PUS7: variants seen among roughly 807,000 people sequenced by gnomAD.
PUS7 encodes pseudouridine synthase 7, also known as pseudouridylate synthase 7 homolog.
Under a neutral mutation model 79.8 loss-of-function variants are expected in PUS7, and 48 were observed. The observed-to-expected ratio is 0.60, with a 90% CI of 0.48 to 0.76. PUS7 has a LOEUF of 0.76. Among genes scored for constraint, PUS7 ranks in the 30% least tolerant of loss-of-function variants. The probability of loss-of-function intolerance (pLI) is 0.00; values close to 1 mark genes in which losing one functional copy is unlikely to be tolerated. For synonymous variants in PUS7, 286 were observed against 272.2 expected (o/e 1.05, Z -0.50); for missense variants, 729 against 797.6 (o/e 0.91, Z 1.04).
At position 105,506,291 on chromosome 7, in the gene PUS7, G is replaced by C. The variant is rs780630118; in HGVS notation, c.399-18C>G. The C allele has an allele frequency of 6.6e-7, 1 of 1,524,958 alleles. No homozygotes were observed. The highest frequency in any genetic ancestry group is 1.4e-5 in the African/African-American group (1 of 72,956). The allele number at this position is 1,524,958 out of a possible 1,614,324, so 94.5% of individuals were successfully genotyped here. ...CGGAGTATCTGATGAAAGAAAACAT[G>C]AACTTTCAGATAATTAACATCCTGT... On this transcript the variant is annotated intron_variant, in intron 2 of 15. Coordinates refer to ENST00000469408, the MANE Select transcript of PUS7 (RefSeq NM_019042.5).
In PUS7 at chr7:105,491,563, T is replaced by C. The variant is rs777274546; in HGVS notation, c.897A>G (p.Thr299=). 18 of 1,599,278 alleles carry C rather than the reference T, an allele frequency of 1.1e-5. No individual in the cohort carries two copies. The South Asian group carries it at 2.0e-4, about 18-fold the overall frequency. The change falls in exon 7 of 16, where the codon ACA becomes ACG. Residue 299 remains threonine, a synonymous_variant. Coordinates refer to ENST00000469408, the MANE Select transcript of PUS7 (RefSeq NM_019042.5). ...YMGTKDKRAI[T]VQEIAVLKIT... ...ACTTGAGAACAGCAATTTCTTGAAC[T>C]GTTATAGCCCTTTTATCTTTGGTTC...
intron 7 of PUS7, among the ~76,000 whole-genome samples, chr7:105,484,235 C>G (rs553674251): frequency 8.5e-5 from 13 of 152,202 alleles, no homozygotes; most frequent in Non-Finnish European, 1.8e-4. Context: ...TATTTAGGTA[C>G]CCAAGCATGA....
In PUS7 at chr7:105,468,222, C is replaced by A. The variant is rs151022526; in HGVS notation, c.1525+115G>T. The A allele has an allele frequency of 2.9e-6, 4 of 1,383,984 alleles. No homozygotes were observed. The East Asian group carries it at 9.4e-5, about 33-fold the overall frequency. 85.7% of individuals were successfully genotyped at this position (1,383,984 alleles called of 1,614,324 possible). A position where few individuals can be genotyped will look rare whatever the true frequency, so the allele number is the denominator to read the frequency against. ...TGTCAGGATTATGGGCGTGTACCAC[C>A]GTGCCTCACCACATCTCTCTTTCTT... On this transcript the variant is annotated intron_variant, in intron 12 of 15. Transcript: ENST00000469408.
At chr7:105,509,370 T>A (rs1301430880) in intron 1 of PUS7, among the ~76,000 whole-genome samples, 1 of 152,086 alleles carries the variant, frequency 6.6e-6, no homozygotes, top group Non-Finnish European at 1.5e-5. Context: ...GCCTTAAAAA[T>A]ATGTATGCTC....
intron 15 of PUS7, among the ~76,000 whole-genome samples, chr7:105,458,478 G>A (rs1298347204): frequency 6.6e-6 from 1 of 151,070 alleles, no homozygotes; most frequent in Non-Finnish European, 1.5e-5. Flanking sequence ...TGTTGGCCAG[G>A]CTGGTCTGGA....
intron 14 of PUS7, among the ~76,000 whole-genome samples, chr7:105,459,835 G>A (rs144937857): frequency 0.023 from 3,536 of 152,198 alleles, 53 homozygotes; most frequent in African/African-American, 0.031. Context: ...CACTTTGGGC[G>A]GCCGAGGTGG....
At chr7:105,462,503 T>C (rs1823473385) in intron 14 of PUS7, 118 bp downstream of exon 14, 1 of 1,077,552 alleles carries the variant, frequency 9.3e-7, no homozygotes, top group Non-Finnish European at 1.3e-6. Context: ...CACCATCATA[T>C]AAGCAATCTG....
chr7:105,515,983 G>C (rs961521404), intron 1 of PUS7, among the ~76,000 whole-genome samples: 14 of 151,802 alleles, frequency 9.2e-5, no homozygotes, highest in African/African-American at 3.4e-4. Flanking sequence ...CTAATTTTTT[G>C]TATTTTTACT....
chr7:105,518,557 A>G (rs1825982758), intron 1 of PUS7, among the ~76,000 whole-genome samples: 1 of 151,868 alleles, frequency 6.6e-6, no homozygotes, highest in African/African-American at 2.4e-5. Context: ...ATGTGCCACC[A>G]TGCCCAGTTA....
At chr7:105,472,266 A>G in intron 9 of PUS7, 73 bp from the exon 10 acceptor site, 1 of 918,462 alleles carries the variant, frequency 1.1e-6, no homozygotes. Context: ...ATCTTTGAAG[A>G]GTCAACAAAT....
At chr7:105,464,168 G>A (rs1018864621) in intron 13 of PUS7, among the ~76,000 whole-genome samples, 72 of 152,338 alleles carry the variant, frequency 4.7e-4, no homozygotes, top group Admixed American at 1.3e-3. Flanking sequence ...CAAAGTTCCT[G>A]ATCCCAAAAG....
intron 12 of PUS7, among the ~76,000 whole-genome samples, chr7:105,466,981 G>C (rs1374104963): frequency 2.0e-5 from 3 of 148,004 alleles, no homozygotes; most frequent in Non-Finnish European, 4.5e-5. Context: ...TAGTATGCCA[G>C]AGACACACAT....
At chr7:105,511,690 G>C (rs1187698935) in intron 1 of PUS7, among the ~76,000 whole-genome samples, 1 of 152,072 alleles carries the variant, frequency 6.6e-6, no homozygotes, top group Non-Finnish European at 1.5e-5. Flanking sequence ...GAACCCAGGA[G>C]GTAGAGGTTG....
chr7:105,480,929 T>C (rs1447819068), intron 9 of PUS7, 123 bp downstream of exon 9: 1 of 1,182,842 alleles, frequency 8.5e-7, no homozygotes, highest in Non-Finnish European at 1.2e-6. Context: ...ACAAAAATCA[T>C]GAAACTGTGG....
Position 105,462,675 on chromosome 7 carries a change from T to A in PUS7, c.1703A>T (p.Tyr568Phe). 6.2e-7 allele frequency: 1 copy of A among 1,613,964 alleles called. No homozygotes were observed. ...CTTTCGGTAGGCCCCTGACAAGGAA[T>A]AATCTCGAATTTTGTGTCTCATGTT... is the stretch of plus-strand genomic sequence containing the variant. ...IDNMRHKIRDYSLSGAYRKII... is the reference protein window; with the variant it reads ...IDNMRHKIRDFSLSGAYRKII... The change falls in exon 14 of 16, where the codon TAT (tyrosine) becomes TTT (phenylalanine). Residue 568 changes from tyrosine to phenylalanine, a missense_variant. Transcript: ENST00000469408.
intron 7 of PUS7, among the ~76,000 whole-genome samples, chr7:105,488,629 T>C (rs1824649499): frequency 6.6e-6 from 1 of 152,140 alleles, no homozygotes; most frequent in African/African-American, 2.4e-5. Context: ...AAAAATAGAG[T>C]AATAGTTTAA....
At chr7:105,492,203 G>A (rs1824813032) in intron 6 of PUS7, among the ~76,000 whole-genome samples, 1 of 152,112 alleles carries the variant, frequency 6.6e-6, no homozygotes. Flanking sequence ...AGGAGTTGGA[G>A]GCTACAGTGC....
chr7:105,484,998 G>A (rs1196414849), intron 7 of PUS7, among the ~76,000 whole-genome samples: 4 of 151,154 alleles, frequency 2.6e-5, no homozygotes, highest in Non-Finnish European at 4.4e-5. Context: ...GAGTAGCTGG[G>A]GCTACAGGCA....
rs183950666 is a variant in PUS7 at position 105,476,705 on chromosome 7, A to C, written c.1175+4347T>G. Among the ~76,000 whole-genome samples the C allele has an allele frequency of 1.4e-3, 214 of 152,234 alleles. 1 individual carries two copies. Among genetic ancestry groups the C allele is most frequent in the African/African-American group, 5.0e-3 (206 of 41,548 alleles). ...CCATACTGTTCTCCACAATGGCTAT[A>C]CTGTTTTACATCCCCACCAGCAAAG... On this transcript the variant is annotated intron_variant, in intron 9 of 15. Transcript: ENST00000469408.
Sources: gnomAD v4.1 joint callset for allele counts (sites outside exome capture counted in the v4.1 genomes callset) on GRCh38, gnomAD v4.1.1 for gene constraint, MANE v1.5 for transcripts, NCBI Gene and HGNC (gene_info 2026-07-23, HGNC 2026-07-21) for gene names.